The following DTWD2 variants were observed in gnomAD, a reference collection of about 807,000 sequenced individuals.
DTWD2 encodes tRNA-uridine aminocarboxypropyltransferase 2.
In DTWD2, 39 loss-of-function variants were observed where a neutral mutation model predicts 31.8. The observed-to-expected ratio is 1.22, with a 90% confidence interval of 0.95 to 1.60. The LOEUF is 1.60. Ranked by LOEUF, DTWD2 falls within the 40% of genes most tolerant of loss-of-function variation. The pLI is 0.00. For synonymous variants in DTWD2, 180 were observed against 142.8 expected, an observed-to-expected ratio of 1.26 and a Z score of -1.86; for missense variants, 515 against 381.5, an observed-to-expected ratio of 1.35 and a Z score of -2.92.
At chr5:118,859,808 G>T (rs1471329468) in intron 4 of DTWD2, among the ~76,000 whole-genome samples, 5 of 152,080 alleles carry the variant, frequency 3.3e-5, no homozygotes, top group African/African-American at 1.2e-4. Context: ...ATAAAAATAG[G>T]AATAAATACT....
intron 5 of DTWD2, among the ~76,000 whole-genome samples, chr5:118,846,421 A>G (rs907355250): frequency 1.3e-5 from 2 of 152,204 alleles, no homozygotes; most frequent in African/African-American, 2.4e-5. Context: ...AATAAGAGAT[A>G]TAAGTCCACA....
chr5:118,845,842 T>C (rs1468714563), intron 5 of DTWD2, among the ~76,000 whole-genome samples: 1 of 152,210 alleles, frequency 6.6e-6, no homozygotes, highest in Non-Finnish European at 1.5e-5. Context: ...ACAATAAGGA[T>C]TCCTTTTTTT....
intron 4 of DTWD2, among the ~76,000 whole-genome samples, chr5:118,890,089 A>G (rs1446918300): frequency 6.6e-6 from 1 of 152,216 alleles, no homozygotes; most frequent in African/African-American, 2.4e-5. Flanking sequence ...TGTTTTGCAC[A>G]TATTATCTCA....
At chr5:118,961,969 C>T (rs185463418) in intron 1 of DTWD2, among the ~76,000 whole-genome samples, 1 of 152,294 alleles carries the variant, frequency 6.6e-6, no homozygotes, top group East Asian at 1.9e-4. Context: ...CTGCCAGGCG[C>T]AGTGGCTCAT....
At chr5:118,981,026 G>C (rs189951612) in intron 1 of DTWD2, among the ~76,000 whole-genome samples, 139 of 152,280 alleles carry the variant, frequency 9.1e-4, no homozygotes, top group African/African-American at 3.2e-3. Context: ...ACAGAATTCA[G>C]TGAAATTTTC....
At chr5:118,941,929 G>C (rs1410974541) in intron 2 of DTWD2, among the ~76,000 whole-genome samples, 1 of 152,222 alleles carries the variant, frequency 6.6e-6, no homozygotes, top group Non-Finnish European at 1.5e-5. Context: ...CTGATGGCCA[G>C]TGATGAAGAG....
intron 1 of DTWD2, among the ~76,000 whole-genome samples, chr5:118,964,690 C>A (rs1377059670): frequency 6.6e-6 from 1 of 152,272 alleles, no homozygotes; most frequent in Non-Finnish European, 1.5e-5. Context: ...GATCTGCCAG[C>A]CTCGGCCTCC....
chr5:118,966,377 A>G (rs1157040548), intron 1 of DTWD2, among the ~76,000 whole-genome samples: 1 of 152,208 alleles, frequency 6.6e-6, no homozygotes, highest in Non-Finnish European at 1.5e-5. Context: ...TTATTTCTGT[A>G]AAGTGTGACT....
chr5:118,840,854 T>C lies in DTWD2; in HGVS notation c.*63A>G, dbSNP rs540687019. On this transcript the variant is annotated 3_prime_UTR_variant, in exon 6 of 6. Transcript: ENST00000510708. ...CAAAAACCTACAGACCTTAACTATA[T>C]GAAAACTTAATTTGGTATTGTTAGA... 2 of 1,545,962 alleles carry C rather than the reference T, an allele frequency of 1.3e-6. No homozygotes were observed. The highest frequency in any genetic ancestry group is 1.7e-6 in the Non-Finnish European group (2 of 1,147,394).
At chr5:118,973,350 C>G (rs540565912) in intron 1 of DTWD2, among the ~76,000 whole-genome samples, 1 of 152,144 alleles carries the variant, frequency 6.6e-6, no homozygotes, top group Non-Finnish European at 1.5e-5. Flanking sequence ...TTCATAGCGT[C>G]GATGGTCTTC....
chr5:118,949,800 A>G (rs747459762), intron 1 of DTWD2, among the ~76,000 whole-genome samples: 11 of 152,298 alleles, frequency 7.2e-5, no homozygotes, highest in Non-Finnish European at 1.5e-4. Flanking sequence ...AAGGGCGGCA[A>G]TGAGTTGTGG....
chr5:118,958,818 G>C (rs1156599659), intron 1 of DTWD2, among the ~76,000 whole-genome samples: 1 of 152,106 alleles, frequency 6.6e-6, no homozygotes, highest in Non-Finnish European at 1.5e-5. Flanking sequence ...CAATAAATGT[G>C]ATTCATCACA....
intron 1 of DTWD2, among the ~76,000 whole-genome samples, chr5:118,969,225 G>T (rs896203640): frequency 4.6e-5 from 7 of 152,084 alleles, no homozygotes; most frequent in African/African-American, 1.7e-4. Context: ...TGTATTTGCA[G>T]TTCAGCCAAC....
At chr5:118,953,294 T>A (rs1375992800) in intron 1 of DTWD2, among the ~76,000 whole-genome samples, 1 of 152,216 alleles carries the variant, frequency 6.6e-6, no homozygotes, top group Non-Finnish European at 1.5e-5. Flanking sequence ...GTGACTTGAA[T>A]TCATTCGTAT....
At chr5:118,916,021 G>T (rs1315211412) in intron 4 of DTWD2, among the ~76,000 whole-genome samples, 5 of 152,196 alleles carry the variant, frequency 3.3e-5, no homozygotes, top group Non-Finnish European at 7.3e-5. Context: ...AAGGGATTGG[G>T]GTTGAGGGAA....
At chr5:118,880,429 GGTTTT>G (rs1752716075) in intron 4 of DTWD2, among the ~76,000 whole-genome samples, 1 of 151,950 alleles carries the variant, frequency 6.6e-6, no homozygotes, top group Admixed American at 6.6e-5. Context: ...AGTGGAATGG[GGTTTT>G]GTTTTGTTTT....
chr5:118,840,935 C>T lies in DTWD2; in HGVS notation c.879G>A (p.Met293Ile), dbSNP rs746003723. Residue 293 changes from methionine to isoleucine, a missense_variant, in exon 6 of 6, where the codon ATG becomes ATA. Met to Ile is a conservative substitution (Grantham distance 10). Transcript: ENST00000510708. The stretch of plus-strand genomic sequence containing the variant: ...AACTGTACTAAATTTTAACACTATT[C>T]ATTAACAATTCCATTTTCCTGAGTT... The part of the protein sequence containing the change: ...KRKLRKMELL[M>I]NSVKI 1 of 1,613,528 alleles carries T rather than the reference C, an allele frequency of 6.2e-7. No individual in the cohort carries two copies. Among genetic ancestry groups the T allele is most frequent in the South Asian group, 1.1e-5 (1 of 91,012 alleles).
intron 4 of DTWD2, among the ~76,000 whole-genome samples, chr5:118,928,256 T>C (rs1753849385): frequency 6.6e-6 from 1 of 152,058 alleles, no homozygotes; most frequent in Non-Finnish European, 1.5e-5. Flanking sequence ...TCTGATTAAA[T>C]GTCTAAGAGA....
At chr5:118,907,906 C>A (rs1000110073) in intron 4 of DTWD2, among the ~76,000 whole-genome samples, 1 of 152,034 alleles carries the variant, frequency 6.6e-6, no homozygotes, top group Admixed American at 6.6e-5. Context: ...CTGCTTTACT[C>A]GATCAATAAA....
Sources: gnomAD v4.1 joint callset for allele counts (sites outside exome capture counted in the v4.1 genomes callset) on GRCh38, gnomAD v4.1.1 for gene constraint, MANE v1.5 for transcripts, NCBI Gene and HGNC (gene_info 2026-07-23, HGNC 2026-07-21) for gene names.